The following GRHL2 variants were observed in gnomAD, a reference collection of about 807,000 sequenced individuals.
GRHL2 encodes grainyhead like transcription factor 2.
In GRHL2, 21 loss-of-function variants were observed where a neutral mutation model predicts 83.8. The ratio of observed to expected loss-of-function variants is 0.25; its 90% CI spans 0.18 to 0.36. The LOEUF is 0.36. Ranked by LOEUF, GRHL2 falls within the 10% of genes least tolerant of loss-of-function variation. The pLI is 1.00. For synonymous variants in GRHL2, 280 were observed against 278.9 expected (o/e 1.00, Z -0.04); for missense variants, 623 against 781.8 (o/e 0.80, Z 2.42).
rs1208754150 is a variant in GRHL2 at position 101,652,402 on chromosome 8, G to A, written c.1698+2903G>A. Among the ~76,000 whole-genome samples, 219 of 86,978 alleles carry A rather than the reference G, an allele frequency of 2.5e-3. 6 individuals carry two copies. Among genetic ancestry groups the A allele is most frequent in the African/African-American group, 0.013 (204 of 15,946 alleles). 57.1% of individuals were successfully genotyped at this position (86,978 alleles called of 152,430 possible). A position where few individuals can be genotyped will look rare whatever the true frequency, so the allele number is the denominator to read the frequency against. ...TGTGTGTGGTGTGTGTGTGTGTCTGGTGTGTGTGTGGTGTGTGTGTGTGGT... is the reference window on the plus strand; with the variant it reads ...TGTGTGTGGTGTGTGTGTGTGTCTGATGTGTGTGTGGTGTGTGTGTGTGGT... On this transcript the variant is annotated intron_variant, in intron 14 of 15. Coordinates refer to ENST00000646743, the MANE Select transcript of GRHL2 (RefSeq NM_024915.4).
In GRHL2 at chr8:101,509,011, C is replaced by T. The variant is rs1171703493; in HGVS notation, c.20+16222C>T. ...GTCTTCAAATTTTGTACTTTTATTT[C>T]GATTTCAAAGGTCTGCCACTATTTT... On this transcript the variant is annotated intron_variant, in intron 1 of 15. Transcript: ENST00000646743. Among the ~76,000 whole-genome samples the T allele has an allele frequency of 3.3e-5, 5 of 151,994 alleles. No individual in the cohort carries two copies. In the East Asian group the frequency reaches 9.7e-4, roughly 29 times the overall value.
intron 14 of GRHL2, among the ~76,000 whole-genome samples, chr8:101,652,524 G>GTGTGTGGTGTGTGTGTGGTGTT (rs1563627435): frequency 1.1e-5 from 1 of 88,760 alleles, no homozygotes; most frequent in Non-Finnish European, 2.0e-5. Flanking sequence ...TGTGTGTGGT[G>GTGTGTGGTGTGTGTGTGGTGTT]TGTGTGTGGT....
chr8:101,582,674 A>G (rs1812080906), intron 7 of GRHL2, among the ~76,000 whole-genome samples: 1 of 152,132 alleles, frequency 6.6e-6, no homozygotes, highest in Non-Finnish European at 1.5e-5. Context: ...CTGCAGGTAG[A>G]ATGTTAGGGA....
At chr8:101,500,766 C>T (rs1400770037) in intron 1 of GRHL2, among the ~76,000 whole-genome samples, 1 of 152,090 alleles carries the variant, frequency 6.6e-6, no homozygotes, top group East Asian at 1.9e-4. Context: ...TCACCTTGGC[C>T]TCCCAAAGTG....
chr8:101,615,017 C>G, intron 8 of GRHL2, among the ~76,000 whole-genome samples: 1 of 152,136 alleles, frequency 6.6e-6, no homozygotes, highest in Non-Finnish European at 1.5e-5. Flanking sequence ...AAGGCAGATT[C>G]TTGTGTTGTT....
intron 1 of GRHL2, among the ~76,000 whole-genome samples, chr8:101,509,146 C>T (rs879733295): frequency 0.01 from 693 of 67,076 alleles, 20 homozygotes; most frequent in South Asian, 0.017. Flanking sequence ...TCCTTCCTTC[C>T]TTCCTTCCTT....
At chr8:101,584,982 G>A (rs891048836) in intron 7 of GRHL2, among the ~76,000 whole-genome samples, 4 of 152,090 alleles carry the variant, frequency 2.6e-5, no homozygotes, top group African/African-American at 9.7e-5. Flanking sequence ...CAAGTGGTCA[G>A]GTAGTCAGGT....
At chr8:101,602,182 G>C (rs1812530329) in intron 8 of GRHL2, among the ~76,000 whole-genome samples, 1 of 152,088 alleles carries the variant, frequency 6.6e-6, no homozygotes, top group African/African-American at 2.4e-5. Context: ...TTTGTCTGCG[G>C]AGCCTAAGGC....
the GRHL2 span, among the ~76,000 whole-genome samples, chr8:101,674,965 T>C: frequency 6.6e-6 from 1 of 152,164 alleles, no homozygotes; most frequent in South Asian, 2.1e-4. Flanking sequence ...AACCACATGA[T>C]TATCTCAATA....
chr8:101,672,700 G>T (rs963973510), downstream of GRHL2, among the ~76,000 whole-genome samples: 2 of 151,890 alleles, frequency 1.3e-5, no homozygotes, highest in Middle Eastern at 3.4e-3. Flanking sequence ...GAAATACAGA[G>T]AACGTCACAA....
intron 14 of GRHL2, among the ~76,000 whole-genome samples, chr8:101,655,300 G>T (rs970096205): frequency 3.3e-5 from 5 of 152,162 alleles, no homozygotes; most frequent in African/African-American, 1.2e-4. Flanking sequence ...GACTGACTTG[G>T]TTCAAATCAT....
chr8:101,678,374 C>A, the GRHL2 span, among the ~76,000 whole-genome samples: 2 of 152,018 alleles, frequency 1.3e-5, no homozygotes, highest in African/African-American at 2.4e-5. Context: ...GCTTTTCCGA[C>A]GGGCTTAAAA....
chr8:101,564,528 G>A (rs1222390246), intron 4 of GRHL2, among the ~76,000 whole-genome samples: 1 of 152,168 alleles, frequency 6.6e-6, no homozygotes, highest in Non-Finnish European at 1.5e-5. Context: ...GCTTTAGACT[G>A]GGAGTGGTGG....
At chr8:101,520,290 A>G (rs1481046499) in intron 1 of GRHL2, among the ~76,000 whole-genome samples, 1 of 152,222 alleles carries the variant, frequency 6.6e-6, no homozygotes, top group East Asian at 1.9e-4. Flanking sequence ...GAGGTTACAA[A>G]TTGAGTGAGA....
At chr8:101,634,696 C>T (rs1017664570) in intron 11 of GRHL2, among the ~76,000 whole-genome samples, 3 of 152,176 alleles carry the variant, frequency 2.0e-5, no homozygotes, top group East Asian at 3.8e-4. Context: ...GTGAGGCACC[C>T]TCAAGCTATG....
At chr8:101,562,080 G>A (rs539677315) in intron 4 of GRHL2, 6 of 694,266 alleles carry the variant, frequency 8.6e-6, no homozygotes, top group South Asian at 5.4e-5. Context: ...TGCCTGCAAG[G>A]GGGGCTCAGA....
chr8:101,672,531 C>G (rs1008484954), downstream of GRHL2, among the ~76,000 whole-genome samples: 60 of 151,590 alleles, frequency 4.0e-4, 1 homozygote, highest in Non-Finnish European at 4.4e-5. Context: ...ACAAACAAAG[C>G]CTCCAAGAAA....
At position 101,602,174 on chromosome 8, in the gene GRHL2, T is replaced by C. The variant is rs527459279; in HGVS notation, c.1098+3023T>C. Among the ~76,000 whole-genome samples, 11 of 152,388 alleles carry C rather than the reference T, an allele frequency of 7.2e-5. 1 individual carries two copies. In the East Asian group the frequency reaches 2.1e-3, roughly 29 times the overall value. ...TTAGAAAGGCTGAGAGGATTTTTTTTGTCTGCGGAGCCTAAGGCATTTCTC... is the reference window on the plus strand; with the variant it reads ...TTAGAAAGGCTGAGAGGATTTTTTTCGTCTGCGGAGCCTAAGGCATTTCTC... On this transcript the variant is annotated intron_variant, in intron 8 of 15. Transcript: ENST00000646743.
intron 1 of GRHL2, among the ~76,000 whole-genome samples, chr8:101,512,321 T>C (rs1810483505): frequency 6.6e-6 from 1 of 152,362 alleles, no homozygotes; most frequent in East Asian, 1.9e-4. Context: ...TTTTGCTCTA[T>C]TTATTTAAAT....
Sources: gnomAD v4.1 joint callset for allele counts (sites outside exome capture counted in the v4.1 genomes callset) on GRCh38, gnomAD v4.1.1 for gene constraint, MANE v1.5 for transcripts, NCBI Gene and HGNC (gene_info 2026-07-23, HGNC 2026-07-21) for gene names.